CCDC175: variants seen among roughly 807,000 people sequenced by gnomAD.
CCDC175 encodes the protein coiled-coil domain-containing protein 175.
CCDC175 carries 100 observed loss-of-function variants against 114.6 expected under a neutral mutation model. The ratio of observed to expected loss-of-function variants is 0.87; its 90% CI spans 0.74 to 1.03. The LOEUF is 1.03. Among genes scored for constraint, CCDC175 ranks in the 50% least tolerant of loss-of-function variants. The pLI is 0.00. For missense variants in CCDC175, 880 were observed against 917.8 expected, an observed-to-expected ratio of 0.96 and a Z score of 0.53; for synonymous variants, 306 against 308.7, an observed-to-expected ratio of 0.99 and a Z score of 0.09.
intron 13 of CCDC175, among the ~76,000 whole-genome samples, chr14:59,535,941 G>A (rs1044962575): frequency 5.3e-5 from 8 of 152,194 alleles, no homozygotes; most frequent in African/African-American, 9.7e-5. Flanking sequence ...TAAGCAAGGA[G>A]GTGGTACAAG....
chr14:59,554,778 T>G (rs981072611), intron 7 of CCDC175, among the ~76,000 whole-genome samples: 6 of 151,896 alleles, frequency 4.0e-5, no homozygotes, highest in African/African-American at 1.4e-4. Context: ...AAATGATAAC[T>G]GGGATATCAC....
chr14:59,550,715 A>G (rs1351050360), intron 8 of CCDC175, among the ~76,000 whole-genome samples: 2 of 152,194 alleles, frequency 1.3e-5, no homozygotes, highest in South Asian at 2.1e-4. Flanking sequence ...AGCATCCAGC[A>G]TGGGAGAAAG....
chr14:59,573,033 C>T (rs1023996361), intron 2 of CCDC175, among the ~76,000 whole-genome samples: 41 of 152,182 alleles, frequency 2.7e-4, no homozygotes, highest in African/African-American at 8.9e-4. Context: ...TTTTATTCTA[C>T]TGAGAAATTA....
intron 11 of CCDC175, among the ~76,000 whole-genome samples, chr14:59,539,720 C>T (rs1030772843): frequency 2.6e-5 from 4 of 152,162 alleles, no homozygotes; most frequent in East Asian, 3.9e-4. Context: ...TTGAGAGCAG[C>T]GTGGCCAACA....
chr14:59,527,695 A>C (rs1291405007), intron 14 of CCDC175, among the ~76,000 whole-genome samples: 1 of 139,900 alleles, frequency 7.1e-6, no homozygotes, highest in East Asian at 2.0e-4. Flanking sequence ...TGTTTCATGT[A>C]CATATAATTA....
At chr14:59,540,020 G>A (rs984566497) in intron 11 of CCDC175, among the ~76,000 whole-genome samples, 8 of 152,108 alleles carry the variant, frequency 5.3e-5, no homozygotes, top group African/African-American at 1.4e-4. Context: ...GCAGTGTGCC[G>A]AGATGGCACC....
At position 59,557,089 on chromosome 14, in the gene CCDC175, C is replaced by T. The variant is rs529570022; in HGVS notation, c.953+4030G>A. On this transcript the variant is annotated intron_variant, in intron 7 of 19. Transcript: ENST00000537690. ...CTCAGGGATCTAGAACTAGAAATACCTTTTGACCCAGCCATCCCATTACTG... is the reference window on the plus strand; with the variant it reads ...CTCAGGGATCTAGAACTAGAAATACTTTTTGACCCAGCCATCCCATTACTG... 2.1e-3 allele frequency among the ~76,000 whole-genome samples: 318 copies of T among 152,264 alleles called. 1 individual carries two copies. The highest frequency in any genetic ancestry group is 6.9e-3 in the African/African-American group (285 of 41,534).
At chr14:59,521,057 T>A (rs1262125573) in intron 17 of CCDC175, among the ~76,000 whole-genome samples, 1 of 152,224 alleles carries the variant, frequency 6.6e-6, no homozygotes, top group Non-Finnish European at 1.5e-5. Flanking sequence ...TCAACTTGAC[T>A]GGATTGAAAG....
intron 15 of CCDC175, among the ~76,000 whole-genome samples, chr14:59,526,280 T>A (rs144556239): frequency 6.6e-6 from 1 of 152,260 alleles, no homozygotes; most frequent in East Asian, 1.9e-4. Context: ...TATTTTCCTA[T>A]ATATTCCTTC....
chr14:59,570,735 TTTTGTTTTTG>T (rs931360969), intron 3 of CCDC175, among the ~76,000 whole-genome samples: 2 of 45,794 alleles, frequency 4.4e-5, no homozygotes, highest in African/African-American at 1.3e-4. Context: ...AGCCTCTCTC[TTTTGTTTTTG>T]TTTGTTTTTG....
chr14:59,543,303 G>C, intron 10 of CCDC175, 41 bp downstream of exon 10: 2 of 683,318 alleles, frequency 2.9e-6, no homozygotes, highest in Non-Finnish European at 2.3e-6. Context: ...AATAAATGCA[G>C]AGAAAGTAAA....
chr14:59,539,504 T>A (rs1377562300), intron 11 of CCDC175, among the ~76,000 whole-genome samples: 1 of 151,982 alleles, frequency 6.6e-6, no homozygotes, highest in Non-Finnish European at 1.5e-5. Context: ...CACTTGAACC[T>A]GGGAGGTGGG....
At chr14:59,547,590 A>C (rs1013683298) in intron 8 of CCDC175, among the ~76,000 whole-genome samples, 1 of 152,228 alleles carries the variant, frequency 6.6e-6, no homozygotes, top group Non-Finnish European at 1.5e-5. Context: ...ACCACAATGT[A>C]GTGAAGGAAA....
intron 4 of CCDC175, 76 bp from the exon 5 acceptor site, chr14:59,565,351 C>CCT (rs1165658141): frequency 8.7e-7 from 1 of 1,154,984 alleles, no homozygotes; most frequent in Non-Finnish European, 1.2e-6. Flanking sequence ...TGAGAAGAGC[C>CCT]CTCAGCAAGA....
Position 59,540,674 on chromosome 14 carries a change from C to G in CCDC175, c.1355+1G>C, listed in dbSNP as rs1251071006. On this transcript the variant is annotated splice_donor_variant, in intron 11 of 19. Coordinates refer to ENST00000537690, the MANE Select transcript of CCDC175 (RefSeq NM_001164399.2). LOFTEE classifies it high-confidence loss of function. ...TTTTTTTTTTTTTTTTTTTTTTTTA[C>G]CATCTCTGACTTTCTCTTTCCAGGT... The G allele has an allele frequency of 2.6e-6, 2 of 769,734 alleles. No homozygotes were observed. The highest frequency in any genetic ancestry group is 3.6e-6 in the Non-Finnish European group (2 of 562,330). The allele number at this position is 769,734 out of a possible 1,614,324, so 47.7% of individuals were successfully genotyped here.
chr14:59,560,809 C>T (rs530313977), intron 7 of CCDC175, among the ~76,000 whole-genome samples: 56 of 152,178 alleles, frequency 3.7e-4, no homozygotes, highest in Non-Finnish European at 2.6e-4. Context: ...CCACTAATGC[C>T]GTCCCTCATG....
Position 59,538,724 on chromosome 14 carries a change from C to A in CCDC175, c.1472G>T (p.Arg491Leu), listed in dbSNP as rs907096885. 2 of 1,535,530 alleles carry A rather than the reference C, an allele frequency of 1.3e-6. No individual in the cohort carries two copies. The highest frequency in any genetic ancestry group is 1.7e-6 in the Non-Finnish European group (2 of 1,146,198). ...TCTTACCTCGTTAAGTAATTCAATT[C>A]GTCTAACTTCTGCATTCTGAATTTT... is the stretch of plus-strand genomic sequence containing the variant. ...TEKIQNAEVR[R>L]IELLNETSFR... is the part of the protein sequence containing the mutation. Residue 491 changes from arginine (R) to leucine (L), a missense_variant, in exon 12 of 20, where the codon CGA becomes CTA. By Grantham distance (102) the Arg-to-Leu change is moderately radical. Transcript: ENST00000537690.
chr14:59,520,454 T>A (rs1418849404), intron 17 of CCDC175, among the ~76,000 whole-genome samples: 1 of 152,196 alleles, frequency 6.6e-6, no homozygotes, highest in Non-Finnish European at 1.5e-5. Context: ...TCCTATAAAG[T>A]TAATCATACA....
chr14:59,546,832 G>C (rs542334413), intron 8 of CCDC175, among the ~76,000 whole-genome samples: 1 of 151,978 alleles, frequency 6.6e-6, no homozygotes, highest in Non-Finnish European at 1.5e-5. Context: ...GTGAGATCCT[G>C]TCTCAAAAAT....
Sources: allele counts gnomAD v4.1 joint callset (sites outside exome capture counted in the v4.1 genomes callset), GRCh38; gene constraint gnomAD v4.1.1; transcripts MANE v1.5; gene names NCBI Gene and HGNC (gene_info 2026-07-23, HGNC 2026-07-21).